The following GGA3 variants were observed in gnomAD, a reference collection of about 807,000 sequenced individuals.
GGA3 encodes ADP-ribosylation factor-binding protein GGA3.
Under a neutral mutation model 77.5 loss-of-function variants are expected in GGA3, and 57 were observed. That is an observed-to-expected ratio of 0.74 (90% confidence interval 0.59 to 0.92). GGA3 has a LOEUF of 0.92. Among genes scored for constraint, GGA3 ranks in the 40% least tolerant of loss-of-function variants. The pLI is 0.00. For synonymous variants in GGA3, 416 were observed against 383.7 expected, an observed-to-expected ratio of 1.08 and a Z score of -0.98; for missense variants, 970 against 914.9, an observed-to-expected ratio of 1.06 and a Z score of -0.78.
At chr17:75,238,422 C>T (rs2076396273) in intron 16 of GGA3, 33 bp from the exon 17 acceptor site, 1 of 1,583,086 alleles carries the variant, frequency 6.3e-7, no homozygotes. Context: ...AGATCCAGCC[C>T]AGGCGGCCCC....
At chr17:75,257,431 C>T (rs1256138584) in intron 1 of GGA3, among the ~76,000 whole-genome samples, 1 of 152,116 alleles carries the variant, frequency 6.6e-6, no homozygotes, top group Non-Finnish European at 1.5e-5. Flanking sequence ...GATATCTCCT[C>T]GTGCTATCCC....
rs533438391 is a variant in GGA3, at chr17:75,245,391, C to T, written c.202-674G>A. ...GGCCACTCTGCACTTTATAGGGTGTCGAACAGCATCCCTGGCCTCTGCCTA... is the reference window on the plus strand; with the variant it reads ...GGCCACTCTGCACTTTATAGGGTGTTGAACAGCATCCCTGGCCTCTGCCTA... On this transcript the variant is annotated intron_variant, in intron 3 of 16. Coordinates refer to ENST00000537686, the MANE Select transcript of GGA3 (RefSeq NM_138619.4). Among the ~76,000 whole-genome samples, 7 of 152,238 alleles carry T rather than the reference C, an allele frequency of 4.6e-5. No individual in the cohort carries two copies. In the East Asian group the frequency reaches 7.7e-4, roughly 17 times the overall value.
intron 1 of GGA3, among the ~76,000 whole-genome samples, chr17:75,260,279 G>T (rs925269352): frequency 6.6e-6 from 1 of 152,222 alleles, no homozygotes; most frequent in African/African-American, 2.4e-5. Flanking sequence ...GTTATAGCAA[G>T]TTGGGCATTT....
chr17:75,248,915 C>A (rs1255733734), intron 1 of GGA3: 1 of 985,190 alleles, frequency 1.0e-6, no homozygotes, highest in East Asian at 1.1e-4. Flanking sequence ...TGAGTAGCGA[C>A]AGCTGCCAGG....
chr17:75,240,208 G>T, intron 12 of GGA3, 100 bp from the exon 13 acceptor site: 1 of 1,188,856 alleles, frequency 8.4e-7, no homozygotes. Context: ...AGACAGCCCC[G>T]GAGGCACTCA....
chr17:75,240,255 G>T, intron 12 of GGA3, 87 bp downstream of exon 12: 1 of 1,168,660 alleles, frequency 8.6e-7, no homozygotes, highest in Non-Finnish European at 1.2e-6. Flanking sequence ...CTGGAGGGAA[G>T]GACAGCTAAC....
chr17:75,259,023 A>G (rs913628042), intron 1 of GGA3, among the ~76,000 whole-genome samples: 2 of 143,418 alleles, frequency 1.4e-5, no homozygotes, highest in African/African-American at 5.2e-5. Context: ...GCACAATCCC[A>G]GCTCACTGCA....
chr17:75,237,763 T>G lies in GGA3; in HGVS notation c.*516A>C. On this transcript the variant is annotated 3_prime_UTR_variant, in exon 17 of 17. Coordinates refer to ENST00000537686, the MANE Select transcript of GGA3 (RefSeq NM_138619.4). Reference sequence around the variant, plus strand: ...GTTCCTTATTCTGGGCCAGGCACCTTCCTGGGCCACCTCCCTGGGGATGGC... The same window carrying G: ...GTTCCTTATTCTGGGCCAGGCACCTGCCTGGGCCACCTCCCTGGGGATGGC... 7.0e-7 allele frequency: 1 copy of G among 1,430,070 alleles called. No homozygotes were observed. The highest frequency in any genetic ancestry group is 1.5e-5 in the South Asian group (1 of 66,740). The allele number at this position is 1,430,070 out of a possible 1,614,324, so 88.6% of individuals were successfully genotyped here. A position where few individuals can be genotyped will look rare whatever the true frequency, so the allele number is the denominator to read the frequency against.
chr17:75,241,605 T>G lies in GGA3; in HGVS notation c.829+10A>C, dbSNP rs746105232. 3 of 1,613,630 alleles carry G rather than the reference T, an allele frequency of 1.9e-6. No individual in the cohort carries two copies. The South Asian group carries it at 3.3e-5, about 18-fold the overall frequency. On this transcript the variant is annotated intron_variant, in intron 9 of 16. Transcript: ENST00000537686. ...CCTGGCTTATCCCTGACCGTCGCTC[T>G]TTCACTCACCCAAACTGTTATCATT...
In GGA3 at chr17:75,240,920, C is replaced by G; in HGVS notation, c.1084G>C (p.Ala362Pro). Residue 362 changes from alanine to proline, a missense_variant, in exon 11 of 17, where the codon GCC (alanine) becomes CCC (proline). Ala to Pro is a conservative substitution (Grantham distance 27). Coordinates refer to ENST00000537686, the MANE Select transcript of GGA3 (RefSeq NM_138619.4). ...GAGCGGCTCCGTGGAGGTCCTGAGG[C>G]CTGGGGTGGTGGAGGGAGGATTGGG... is the stretch of plus-strand genomic sequence containing the variant. The part of the protein sequence containing the change: ...GIPILPPPPQ[A>P]SGPPRSRSSS... 1 of 1,613,838 alleles carries G rather than the reference C, an allele frequency of 6.2e-7. No individual in the cohort carries two copies. The highest frequency in any genetic ancestry group is 8.5e-7 in the Non-Finnish European group (1 of 1,179,876).
At chr17:75,261,903 G>GGTT (rs764943060), upstream of GGA3, 20 of 1,608,806 alleles carry the variant, frequency 1.2e-5, no homozygotes, top group Admixed American at 1.7e-4. Context: ...CAGCCAAGAT[G>GGTT]GCTGCCCCCG....
intron 1 of GGA3, among the ~76,000 whole-genome samples, chr17:75,252,597 C>A (rs997564526): frequency 1.3e-5 from 2 of 152,164 alleles, no homozygotes; most frequent in African/African-American, 4.8e-5. Flanking sequence ...TCTAATCCAT[C>A]CTAATCCTAT....
chr17:75,238,824 GCACACACA>G, intron 15 of GGA3, 62 bp from the exon 16 acceptor site: 1 of 1,561,566 alleles, frequency 6.4e-7, no homozygotes, highest in Non-Finnish European at 8.8e-7. Flanking sequence ...AACCTGCAGT[GCACACACA>G]CACTGCCACC....
intron 1 of GGA3, among the ~76,000 whole-genome samples, chr17:75,251,521 G>C (rs1196323156): frequency 1.3e-5 from 2 of 151,896 alleles, no homozygotes; most frequent in South Asian, 2.1e-4. Context: ...GCCTGGCTAA[G>C]ATAGTGAAAC....
At chr17:75,260,620 AAG>A (rs1200350666) in intron 1 of GGA3, among the ~76,000 whole-genome samples, 3 of 152,228 alleles carry the variant, frequency 2.0e-5, no homozygotes, top group African/African-American at 7.2e-5. Context: ...AGTACTAAAT[AAG>A]AGACCTCAGA....
upstream of GGA3, chr17:75,262,106 T>C: frequency 2.5e-6 from 3 of 1,180,304 alleles, no homozygotes; most frequent in Non-Finnish European, 3.6e-6. Flanking sequence ...TTCAAGCTTC[T>C]AAGTTAGCTG....
chr17:75,247,268 T>C (rs1287874263), intron 1 of GGA3, among the ~76,000 whole-genome samples: 3 of 123,408 alleles, frequency 2.4e-5, no homozygotes, highest in Non-Finnish European at 4.4e-5. Flanking sequence ...CACAAATTTT[T>C]TTTTTTTTTT....
At position 75,236,702 on chromosome 17, in the gene GGA3, A is replaced by G. The variant is rs952545965; in HGVS notation, c.*1577T>C. ...CGAAGCACTGACCTCAACAGTAACGAGTAACACTCAAATAACTGTAATGTC... is the reference window on the plus strand; with the variant it reads ...CGAAGCACTGACCTCAACAGTAACGGGTAACACTCAAATAACTGTAATGTC... On this transcript the variant is annotated 3_prime_UTR_variant, in exon 17 of 17. Coordinates refer to ENST00000537686, the MANE Select transcript of GGA3 (RefSeq NM_138619.4). 2.0e-5 allele frequency: 3 copies of G among 152,842 alleles called. No homozygotes were observed. The highest frequency in any genetic ancestry group is 6.5e-5 in the Admixed American group (1 of 15,284). The allele number at this position is 152,842 out of a possible 1,614,324, so 9.5% of individuals were successfully genotyped here.
rs1391735819 is a variant in GGA3, at chr17:75,248,812, A to ACC, written c.41-2017_41-2016insGG. On this transcript the variant is annotated intron_variant, in intron 1 of 16. Transcript: ENST00000537686. ...AAAAAAAACAAAAACAAAAACAAAA[A>ACC]AAACAAAACAAAAAAAAAAAAACTC... 657 of 796,006 alleles carry ACC rather than the reference A, an allele frequency of 8.3e-4. 8 individuals carry two copies. Among genetic ancestry groups the ACC allele is most frequent in the Admixed American group, 2.4e-3 (7 of 2,866 alleles). 49.3% of individuals were successfully genotyped at this position (796,006 alleles called of 1,614,324 possible). A position where few individuals can be genotyped will look rare whatever the true frequency, so the allele number is the denominator to read the frequency against.
Sources: gnomAD v4.1 joint callset for allele counts (sites outside exome capture counted in the v4.1 genomes callset) on GRCh38, gnomAD v4.1.1 for gene constraint, MANE v1.5 for transcripts, NCBI Gene and HGNC (gene_info 2026-07-23, HGNC 2026-07-21) for gene names.